UBE2E2: variants seen among roughly 807,000 people sequenced by gnomAD.
UBE2E2 encodes ubiquitin conjugating enzyme E2 E2, also known as ubiquitin-conjugating enzyme E2 E2.
UBE2E2 carries 6 observed loss-of-function variants against 24.7 expected under a neutral mutation model. That is an observed-to-expected ratio of 0.24 (90% CI 0.13 to 0.48). UBE2E2 has a LOEUF of 0.48. UBE2E2 is among the 20% of genes least tolerant of loss of function. The probability of loss-of-function intolerance (pLI) is 0.99; values close to 1 mark genes in which losing one functional copy is unlikely to be tolerated. For synonymous variants in UBE2E2, 104 were observed against 83.6 expected, an observed-to-expected ratio of 1.24 and a Z score of -1.33; for missense variants, 169 against 245.0, an observed-to-expected ratio of 0.69 and a Z score of 2.07.
At chr3:23,550,032 C>CAAAAA (rs35163126) in intron 5 of UBE2E2, among the ~76,000 whole-genome samples, 1 of 96,352 alleles carries the variant, frequency 1.0e-5, no homozygotes, top group Admixed American at 1.1e-4. Flanking sequence ...GACTCCATCT[C>CAAAAA]AAAAAAAAAA....
chr3:23,555,599 T>C (rs990195495), intron 5 of UBE2E2, among the ~76,000 whole-genome samples: 3 of 152,250 alleles, frequency 2.0e-5, no homozygotes, highest in African/African-American at 7.2e-5. Context: ...AGCCAAAATA[T>C]GGGGAAAAAC....
chr3:23,443,215 A>G (rs1287039315), intron 3 of UBE2E2, among the ~76,000 whole-genome samples: 1 of 152,158 alleles, frequency 6.6e-6, no homozygotes, highest in Non-Finnish European at 1.5e-5. Flanking sequence ...TGAACTCCAG[A>G]GGAATGACCT....
Position 23,208,691 on chromosome 3 carries a change from G to T in UBE2E2, c.-8-1G>T. 6.3e-7 allele frequency: 1 copy of T among 1,595,072 alleles called. No homozygotes were observed. Among genetic ancestry groups the T allele is most frequent in the South Asian group, 1.1e-5 (1 of 87,122 alleles). ...AAATGATTTTTGATTCTTTAATCCA[G>T]GATCTAAAATGTCCACTGAGGCACA... On this transcript the variant is annotated splice_acceptor_variant, in intron 1 of 5. Coordinates refer to ENST00000396703, the MANE Select transcript of UBE2E2 (RefSeq NM_152653.4). LOFTEE classifies it low-confidence loss of function (5UTR_SPLICE).
chr3:23,543,914 A>C (rs1347066200), intron 5 of UBE2E2, among the ~76,000 whole-genome samples: 1 of 152,176 alleles, frequency 6.6e-6, no homozygotes, highest in South Asian at 2.1e-4. Flanking sequence ...ATAAAGCCAA[A>C]TACAGCCAAC....
intron 5 of UBE2E2, among the ~76,000 whole-genome samples, chr3:23,580,446 AT>A (rs1201378668): frequency 6.6e-6 from 1 of 152,154 alleles, no homozygotes; most frequent in Non-Finnish European, 1.5e-5. Context: ...GATTGTTAGC[AT>A]TTTTTTAGCA....
chr3:23,340,786 C>A (rs1447777619), intron 3 of UBE2E2, among the ~76,000 whole-genome samples: 1 of 152,100 alleles, frequency 6.6e-6, no homozygotes, highest in Non-Finnish European at 1.5e-5. Context: ...TACTGAAAGT[C>A]AGAAACATGT....
intron 3 of UBE2E2, among the ~76,000 whole-genome samples, chr3:23,290,831 G>T (rs1367587155): frequency 6.7e-6 from 1 of 148,680 alleles, no homozygotes; most frequent in Non-Finnish European, 1.5e-5. Context: ...AAGGTGGGAG[G>T]ATCGCTTCAG....
chr3:23,477,886 TC>T (rs1699173528), intron 3 of UBE2E2, among the ~76,000 whole-genome samples: 1 of 152,196 alleles, frequency 6.6e-6, no homozygotes, highest in African/African-American at 2.4e-5. Flanking sequence ...TCTCACAAGA[TC>T]TAATGGTTTT....
At chr3:23,370,517 A>G (rs1696374635) in intron 3 of UBE2E2, among the ~76,000 whole-genome samples, 1 of 152,238 alleles carries the variant, frequency 6.6e-6, no homozygotes, top group African/African-American at 2.4e-5. Context: ...TCTGTATAAA[A>G]TATTATAGGA....
intron 5 of UBE2E2, among the ~76,000 whole-genome samples, chr3:23,588,612 T>C (rs1423475411): frequency 1.3e-5 from 2 of 151,976 alleles, no homozygotes; most frequent in Non-Finnish European, 2.9e-5. Context: ...CCAATCAATA[T>C]TCTGGATAGA....
At chr3:23,221,670 C>T (rs184457499) in intron 3 of UBE2E2, among the ~76,000 whole-genome samples, 90 of 151,572 alleles carry the variant, frequency 5.9e-4, no homozygotes, top group African/African-American at 2.0e-3. Flanking sequence ...GAGTTTCGCT[C>T]TTGTCGCCCA....
intron 3 of UBE2E2, among the ~76,000 whole-genome samples, chr3:23,495,308 G>T (rs753248788): frequency 2.0e-5 from 3 of 152,198 alleles, no homozygotes; most frequent in Non-Finnish European, 2.9e-5. Flanking sequence ...GTTATCTGCA[G>T]ACATTGCCCT....
chr3:23,231,277 G>A (rs1451579066), intron 3 of UBE2E2, among the ~76,000 whole-genome samples: 1 of 152,110 alleles, frequency 6.6e-6, no homozygotes, highest in Non-Finnish European at 1.5e-5. Context: ...CCCACTTAAA[G>A]CAGCTTGTAT....
At chr3:23,320,699 A>C (rs139705908) in intron 3 of UBE2E2, among the ~76,000 whole-genome samples, 1 of 152,228 alleles carries the variant, frequency 6.6e-6, no homozygotes, top group Non-Finnish European at 1.5e-5. Context: ...GTTCCTCGGA[A>C]GCTGCGACCT....
intron 2 of UBE2E2, among the ~76,000 whole-genome samples, chr3:23,214,345 C>G (rs1488980973): frequency 2.0e-5 from 3 of 151,976 alleles, no homozygotes; most frequent in African/African-American, 7.3e-5. Context: ...CCTCAAATTC[C>G]TGGGCTCAAG....
At chr3:23,302,653 TTTGTGA>T (rs1177597216) in intron 3 of UBE2E2, among the ~76,000 whole-genome samples, 1 of 152,164 alleles carries the variant, frequency 6.6e-6, no homozygotes, top group Non-Finnish European at 1.5e-5. Context: ...TGACAGAACA[TTTGTGA>T]TTTGCCCTTG....
chr3:23,312,589 T>C (rs1279938375), intron 3 of UBE2E2, among the ~76,000 whole-genome samples: 2 of 152,172 alleles, frequency 1.3e-5, no homozygotes, highest in African/African-American at 4.8e-5. Context: ...AGTTGTTTTG[T>C]TGATTTTTTA....
intron 3 of UBE2E2, among the ~76,000 whole-genome samples, chr3:23,304,271 C>G (rs1575547437): frequency 6.6e-6 from 1 of 152,058 alleles, no homozygotes; most frequent in Non-Finnish European, 1.5e-5. Flanking sequence ...AACATAGAGA[C>G]CTTTTAAGTT....
chr3:23,407,647 ATGTGTGTG>A lies in UBE2E2; in HGVS notation c.228-91925_228-91918del, dbSNP rs71974866. Among the ~76,000 whole-genome samples, 1,432 of 138,072 alleles carry A rather than the reference ATGTGTGTG, an allele frequency of 0.01. 14 individuals carry two copies. The highest frequency in any genetic ancestry group is 0.018 in the African/African-American group (680 of 37,398). 90.6% of individuals were successfully genotyped at this position (138,072 alleles called of 152,430 possible). Reference sequence around the variant, plus strand: ...TGTGTGTTTGTGTGTGCATGCGTGCATGTGTGTGTGTGTGTGTGTGTGTGTGTGTGTGT... The same window carrying A: ...TGTGTGTTTGTGTGTGCATGCGTGCATGTGTGTGTGTGTGTGTGTGTGTGT... On this transcript the variant is annotated intron_variant, in intron 3 of 5. Transcript: ENST00000396703. The surrounding 1 kb of genome is among the most constrained non-coding windows in gnomAD (Gnocchi z 4.0).
Sources: gnomAD v4.1 joint callset for allele counts (sites outside exome capture counted in the v4.1 genomes callset) on GRCh38, gnomAD v4.1.1 for gene constraint, Gnocchi (gnomAD v3.1) non-coding constraint, MANE v1.5 for transcripts, NCBI Gene and HGNC (gene_info 2026-07-23, HGNC 2026-07-21) for gene names.